SERPINB5: variants seen among roughly 807,000 people sequenced by gnomAD.
The protein encoded by SERPINB5 is serpin B5.
SERPINB5 carries 27 observed loss-of-function variants against 32.2 expected under a neutral mutation model. The observed-to-expected ratio is 0.84, with a 90% CI of 0.62 to 1.16. The LOEUF is 1.16. Ranked by LOEUF, SERPINB5 falls within the 50% of genes most tolerant of loss-of-function variation. The pLI is 0.00. For missense variants in SERPINB5, 388 were observed against 436.3 expected, an observed-to-expected ratio of 0.89 and a Z score of 0.99; for synonymous variants, 154 against 157.4, an observed-to-expected ratio of 0.98 and a Z score of 0.16.
chr18:63,481,018 G>A (rs1458631470), intron 1 of SERPINB5, among the ~76,000 whole-genome samples: 1 of 152,124 alleles, frequency 6.6e-6, no homozygotes, highest in Non-Finnish European at 1.5e-5. Context: ...GCAAAGGAAG[G>A]GACTCACTCA....
At chr18:63,489,201 C>T in intron 3 of SERPINB5, 146 bp from the exon 4 acceptor site, 4 of 452,174 alleles carry the variant, frequency 8.8e-6, no homozygotes, top group Non-Finnish European at 1.6e-5. Flanking sequence ...TCACTGACTT[C>T]TACATGAGGT....
At position 63,497,392 on chromosome 18, in the gene SERPINB5, G is replaced by T. The variant is rs1047454646; in HGVS notation, c.568-1728G>T. 9.9e-5 allele frequency: 121 copies of T among 1,223,668 alleles called. 1 individual carries two copies. The African/African-American group carries it at 1.4e-3, about 14-fold the overall frequency. The allele number at this position is 1,223,668 out of a possible 1,614,324, so 75.8% of individuals were successfully genotyped here. ...GATGGTCGCCTTCCTTATCCTCTTC[G>T]CCATGTGAAGCTCTGTGGGGGTCAC... On this transcript the variant is annotated intron_variant, in intron 5 of 6. Transcript: ENST00000382771.
At chr18:63,496,278 C>A (rs991154881) in intron 5 of SERPINB5, among the ~76,000 whole-genome samples, 3 of 152,116 alleles carry the variant, frequency 2.0e-5, no homozygotes, top group Non-Finnish European at 4.4e-5. Context: ...AGACAAATTT[C>A]TTTAGGAGGA....
intron 4 of SERPINB5, among the ~76,000 whole-genome samples, chr18:63,492,111 C>G (rs75936161): frequency 0.012 from 1,868 of 152,216 alleles, 33 homozygotes; most frequent in African/African-American, 0.043. Flanking sequence ...GAATGAAAAC[C>G]CTTTATAAAA....
chr18:63,477,942 A>G (rs6567351), intron 1 of SERPINB5, among the ~76,000 whole-genome samples: 106,572 of 152,030 alleles, frequency 0.7, 37,918 homozygotes, highest in African/African-American at 0.82. Flanking sequence ...CGCTGAGATC[A>G]AATCAGGCCT....
intron 5 of SERPINB5, among the ~76,000 whole-genome samples, chr18:63,495,985 C>T (rs1398201279): frequency 2.0e-5 from 3 of 152,244 alleles, no homozygotes; most frequent in East Asian, 1.9e-4. Context: ...AAGGGTTAGA[C>T]TAAATTGGTG....
intron 5 of SERPINB5, chr18:63,497,360 T>C (rs770632364): frequency 1.5e-6 from 2 of 1,305,562 alleles, no homozygotes; most frequent in Non-Finnish European, 2.2e-6. Context: ...ATGGGGCTCT[T>C]CTGTTTGATG....
At chr18:63,490,332 G>T (rs1909300302) in intron 4 of SERPINB5, among the ~76,000 whole-genome samples, 1 of 152,088 alleles carries the variant, frequency 6.6e-6, no homozygotes, top group Non-Finnish European at 1.5e-5. Context: ...CTTCCCCCAG[G>T]CGTCTCCCTC....
Position 63,499,261 on chromosome 18 carries a change from G to T in SERPINB5, c.709G>T (p.Glu237Ter), listed in dbSNP as rs778446676. 1 of 1,593,948 alleles carries T rather than the reference G, an allele frequency of 6.3e-7. No homozygotes were observed. Among genetic ancestry groups the T allele is most frequent in the Non-Finnish European group, 8.6e-7 (1 of 1,169,478 alleles). Residue 237 changes from glutamate to a stop codon, truncating the protein, a stop_gained, in exon 6 of 7, where the codon GAG (glutamate) becomes TAG (stop). Transcript: ENST00000382771. LOFTEE classifies it high-confidence loss of function. ...SMFILLPKDVEDESTGLEKIE... is the reference protein window; with the variant it reads ...SMFILLPKDV Reference sequence around the variant, plus strand: ...GTTCATCCTACTACCCAAGGATGTGGAGGATGAGTCCACAGGCTTGGAGAA... The same window carrying T: ...GTTCATCCTACTACCCAAGGATGTGTAGGATGAGTCCACAGGCTTGGAGAA...
rs2144513341 is a variant in SERPINB5 at position 63,503,435 on chromosome 18, A to G, written c.841A>G (p.Met281Val). The stretch of plus-strand genomic sequence containing the variant: ...CATTCCAAAATTTAAGGTGGAAAAG[A>G]TGATTGATCCCAAGGCTTGTCTGGA... ...LSIPKFKVEK[M>V]IDPKACLENL... Residue 281 changes from methionine to valine, a missense_variant, in exon 7 of 7, where the codon ATG becomes GTG. Physicochemically the swap from Met to Val is conservative, Grantham distance 21. Transcript: ENST00000382771. 5 of 1,614,290 alleles carry G rather than the reference A, an allele frequency of 3.1e-6. No homozygotes were observed. Among genetic ancestry groups the G allele is most frequent in the Non-Finnish European group, 4.2e-6 (5 of 1,180,054 alleles).
chr18:63,503,157 G>C (rs1297182925), intron 6 of SERPINB5, among the ~76,000 whole-genome samples, 173 bp from the exon 7 acceptor site: 1 of 152,124 alleles, frequency 6.6e-6, no homozygotes, highest in African/African-American at 2.4e-5. Flanking sequence ...GACACAGCTG[G>C]GTGGCTGCTG....
chr18:63,487,069 C>A lies in SERPINB5; in HGVS notation c.292C>A (p.Leu98Met), dbSNP rs1917227237. The change falls in exon 3 of 7, where the codon CTG becomes ATG. Residue 98 changes from leucine to methionine, a missense_variant. By Grantham distance (15) the Leu-to-Met change is conservative. Coordinates refer to ENST00000382771, the MANE Select transcript of SERPINB5 (RefSeq NM_002639.5). ...CAAGCGGCTCTACGTAGACAAATCT[C>A]TGAATCTTTCTACAGTAAGTTGTTT... is the stretch of plus-strand genomic sequence containing the variant. The part of the protein sequence containing the change: ...LIKRLYVDKS[L>M]NLSTEFISST... The A allele has an allele frequency of 6.2e-7, 1 of 1,613,490 alleles. No individual in the cohort carries two copies. Among genetic ancestry groups the A allele is most frequent in the Non-Finnish European group, 8.5e-7 (1 of 1,179,816 alleles).
intron 5 of SERPINB5, 72 bp downstream of exon 5, chr18:63,493,167 G>A (rs758221203): frequency 1.9e-6 from 3 of 1,597,514 alleles, no homozygotes; most frequent in African/African-American, 2.7e-5. Flanking sequence ...ACAGAGTGGG[G>A]CATAAATCCA....
intron 5 of SERPINB5, 57 bp from the exon 6 acceptor site, chr18:63,499,063 A>ATATATT: frequency 2.4e-6 from 2 of 818,656 alleles, no homozygotes; most frequent in Non-Finnish European, 3.5e-6. Flanking sequence ...ATATATATAT[A>ATATATT]TATATTTATG....
At chr18:63,497,489 C>T in intron 5 of SERPINB5, 1 of 300,410 alleles carries the variant, frequency 3.3e-6, no homozygotes, top group Non-Finnish European at 5.9e-6. Flanking sequence ...CCATTGAACA[C>T]AACGTTTCTG....
At chr18:63,502,650 G>T (rs1909593493) in intron 6 of SERPINB5, among the ~76,000 whole-genome samples, 1 of 152,226 alleles carries the variant, frequency 6.6e-6, no homozygotes, top group African/African-American at 2.4e-5. Context: ...TGTGTAAAAA[G>T]CTTTCTAATT....
chr18:63,489,534 C>T, intron 4 of SERPINB5, 70 bp downstream of exon 4: 2 of 833,822 alleles, frequency 2.4e-6, no homozygotes, highest in South Asian at 1.7e-5. Context: ...TAAATGTTTG[C>T]TCCAAGGATA....
intron 5 of SERPINB5, among the ~76,000 whole-genome samples, chr18:63,497,636 A>G (rs1258421262): frequency 1.3e-5 from 2 of 152,202 alleles, no homozygotes; most frequent in Non-Finnish European, 2.9e-5. Flanking sequence ...TCAGAAAATG[A>G]TAGAGAATAA....
At chr18:63,490,628 G>C (rs1173988396) in intron 4 of SERPINB5, 1 of 152,172 alleles carries the variant, frequency 6.6e-6, no homozygotes, top group East Asian at 1.9e-4. Context: ...CTCTGTCTCT[G>C]TACTGACTGA....
Sources: gnomAD v4.1 joint callset for allele counts (sites outside exome capture counted in the v4.1 genomes callset) on GRCh38, gnomAD v4.1.1 for gene constraint, MANE v1.5 for transcripts, NCBI Gene and HGNC (gene_info 2026-07-23, HGNC 2026-07-21) for gene names.